The following PTPRQ variants were observed in gnomAD, a reference collection of about 807,000 sequenced individuals.
PTPRQ encodes the protein phosphatidylinositol phosphatase PTPRQ.
PTPRQ carries 199 observed loss-of-function variants against 246.0 expected under a neutral mutation model. The ratio of observed to expected loss-of-function variants is 0.81; its 90% CI spans 0.72 to 0.91. The LOEUF (loss-of-function observed/expected upper bound fraction) is 0.91, where lower values mean the gene tolerates loss of function less well. Among genes scored for constraint, PTPRQ ranks in the 40% least tolerant of loss-of-function variants. PTPRQ has a pLI of 0.00. For missense variants in PTPRQ, 2,624 were observed against 2,528.4 expected (o/e 1.04, Z -0.81); for synonymous variants, 869 against 853.2 (o/e 1.02, Z -0.32).
intron 17 of PTPRQ, among the ~76,000 whole-genome samples, chr12:80,530,941 A>G (rs1248426571): frequency 6.6e-6 from 1 of 152,070 alleles, no homozygotes; most frequent in African/African-American, 2.4e-5. Context: ...AGTACCAGCT[A>G]CTCTGAAGGA....
chr12:80,632,554 G>A (rs960556580), intron 34 of PTPRQ, among the ~76,000 whole-genome samples: 1 of 152,168 alleles, frequency 6.6e-6, no homozygotes, highest in Non-Finnish European at 1.5e-5. Flanking sequence ...TTAACTAGCA[G>A]AAATGGCTAA....
chr12:80,600,962 C>A (rs939495932), intron 26 of PTPRQ, among the ~76,000 whole-genome samples: 1 of 151,702 alleles, frequency 6.6e-6, no homozygotes, highest in Non-Finnish European at 1.5e-5. Flanking sequence ...ACATACCAGG[C>A]GAAATCCTGC....
At chr12:80,591,790 A>G (rs546639684) in intron 26 of PTPRQ, among the ~76,000 whole-genome samples, 2 of 152,312 alleles carry the variant, frequency 1.3e-5, no homozygotes, top group South Asian at 4.1e-4. Context: ...TGGTTAAATT[A>G]TGCCTGTGCC....
chr12:80,493,419 G>T lies in PTPRQ; in HGVS notation c.1504G>T (p.Ala502Ser), dbSNP rs1323188260. ...YNSHPDKNFPARNRAEDQTSP... is the reference protein window; with the variant it reads ...YNSHPDKNFPSRNRAEDQTSP... ...CAGCCATCCAGATAAAAACTTTCCT[G>T]CAAGGAATAGAGCTGAAGACCAGAC... Residue 502 changes from alanine (A) to serine (S), a missense_variant, in exon 10 of 45, where the codon GCA (alanine) becomes TCA (serine). Transcript: ENST00000644991. 1.3e-6 allele frequency: 2 copies of T among 1,549,758 alleles called. No individual in the cohort carries two copies. The highest frequency in any genetic ancestry group is 3.9e-5 in the Admixed American group (2 of 50,868).
intron 8 of PTPRQ, among the ~76,000 whole-genome samples, chr12:80,478,477 C>T (rs1215481501): frequency 3.9e-5 from 6 of 152,182 alleles, no homozygotes; most frequent in Non-Finnish European, 8.8e-5. Flanking sequence ...GAGCGCCTCT[C>T]CTCCTCCAAA....
chr12:80,462,073 T>A lies in PTPRQ; in HGVS notation c.910+1171T>A, dbSNP rs531067139. The A allele has an allele frequency of 1.5e-5, 10 of 681,464 alleles. No individual in the cohort carries two copies. The African/African-American group carries it at 1.7e-4, about 11-fold the overall frequency. The allele number at this position is 681,464 out of a possible 1,614,324, so 42.2% of individuals were successfully genotyped here. On this transcript the variant is annotated intron_variant, in intron 6 of 44. Coordinates refer to ENST00000644991, the MANE Select transcript of PTPRQ (RefSeq NM_001145026.2). ...AAGCAGGGCGAGGCATTGCCTCACT[T>A]GGGGAGCACAAGGGGTCAGGGAGTT...
intron 25 of PTPRQ, among the ~76,000 whole-genome samples, chr12:80,569,477 C>T (rs1281657681): frequency 1.3e-5 from 2 of 150,844 alleles, no homozygotes; most frequent in Non-Finnish European, 3.0e-5. Flanking sequence ...CAGCATGGCA[C>T]ATGTATACAT....
intron 35 of PTPRQ, among the ~76,000 whole-genome samples, chr12:80,636,795 T>C (rs886194351): frequency 6.6e-6 from 1 of 152,202 alleles, no homozygotes; most frequent in African/African-American, 2.4e-5. Flanking sequence ...GAAAAAGCAC[T>C]CTTTTTGTTT....
chr12:80,472,158 A>G lies in PTPRQ; in HGVS notation c.1093A>G (p.Thr365Ala). ...KDLKFAFTNLTPFTMYDVYIA... is the reference protein window; with the variant it reads ...KDLKFAFTNLAPFTMYDVYIA... Reference sequence around the variant, plus strand: ...CCTCAAGTTTGCATTCACTAACCTAACACCATTTACAATGTATGATGTCTA... The same window carrying G: ...CCTCAAGTTTGCATTCACTAACCTAGCACCATTTACAATGTATGATGTCTA... The change falls in exon 8 of 45, where the codon ACA (threonine) becomes GCA (alanine). Residue 365 changes from threonine to alanine, a missense_variant. Coordinates refer to ENST00000644991, the MANE Select transcript of PTPRQ (RefSeq NM_001145026.2). 1.9e-6 allele frequency: 3 copies of G among 1,551,636 alleles called. No individual in the cohort carries two copies. The highest frequency in any genetic ancestry group is 2.6e-6 in the Non-Finnish European group (3 of 1,146,960).
chr12:80,656,636 G>A (rs564825427), intron 38 of PTPRQ, among the ~76,000 whole-genome samples: 17 of 151,786 alleles, frequency 1.1e-4, no homozygotes, highest in African/African-American at 3.9e-4. Flanking sequence ...ATGAGTACAG[G>A]GTATCTAGTT....
In PTPRQ at chr12:80,496,461, A is replaced by G. The variant is rs1260047664; in HGVS notation, c.2202A>G (p.Val734=). 1 of 1,550,612 alleles carries G rather than the reference A, an allele frequency of 6.4e-7. No homozygotes were observed. Among genetic ancestry groups the G allele is most frequent in the African/African-American group, 1.4e-5 (1 of 72,990 alleles). The part of the protein sequence containing the change: ...LRPHTLYNIS[V]RSYTRFGHGN... Reference sequence around the variant, plus strand: ...CTCACACCCTCTATAACATTTCTGTAAGGTCTTACACCAGATTTGGTCATG... The same window carrying G: ...CTCACACCCTCTATAACATTTCTGTGAGGTCTTACACCAGATTTGGTCATG... Residue 734 remains valine, a synonymous_variant, in exon 14 of 45, where the codon GTA becomes GTG. Coordinates refer to ENST00000644991, the MANE Select transcript of PTPRQ (RefSeq NM_001145026.2).
At chr12:80,533,914 T>C in intron 17 of PTPRQ, 101 bp from the exon 18 acceptor site, 2 of 838,144 alleles carry the variant, frequency 2.4e-6, no homozygotes, top group Non-Finnish European at 3.3e-6. Flanking sequence ...CTAGAATAAA[T>C]TTCCATATAT....
In PTPRQ at chr12:80,624,452, C is replaced by T. The variant is rs576939792; in HGVS notation, c.5686+2318C>T. 3.9e-5 allele frequency among the ~76,000 whole-genome samples: 6 copies of T among 152,284 alleles called. No individual in the cohort carries two copies. In the East Asian group the frequency reaches 1.2e-3, roughly 29 times the overall value. On this transcript the variant is annotated intron_variant, in intron 33 of 44. Transcript: ENST00000644991. Reference sequence around the variant, plus strand: ...TGGCCTTTGCCCTACAGTGCTTATTCTGGATTGACCACATGGAGTTCTGCT... The same window carrying T: ...TGGCCTTTGCCCTACAGTGCTTATTTTGGATTGACCACATGGAGTTCTGCT...
At chr12:80,641,206 C>T (rs11114543) in intron 35 of PTPRQ, among the ~76,000 whole-genome samples, 9,219 of 152,250 alleles carry the variant, frequency 0.061, 351 homozygotes, top group South Asian at 0.19. Flanking sequence ...TGTATCCTGG[C>T]ACAAACATTT....
At chr12:80,604,937 A>C (rs1898260217) in intron 26 of PTPRQ, 122 bp from the exon 27 acceptor site, 3 of 1,062,272 alleles carry the variant, frequency 2.8e-6, no homozygotes, top group Non-Finnish European at 3.7e-6. Flanking sequence ...GTGAAATATA[A>C]ATTAATGTAA....
At chr12:80,612,952 T>C (rs895090259) in intron 28 of PTPRQ, among the ~76,000 whole-genome samples, 1 of 150,532 alleles carries the variant, frequency 6.6e-6, no homozygotes, top group Non-Finnish European at 1.5e-5. Flanking sequence ...GGAAGAGTTA[T>C]TAGTGTTGTG....
At chr12:80,557,087 A>G (rs1208262623) in intron 25 of PTPRQ, among the ~76,000 whole-genome samples, 1 of 152,186 alleles carries the variant, frequency 6.6e-6, no homozygotes, top group Non-Finnish European at 1.5e-5. Flanking sequence ...AACACTGCAG[A>G]AATCTCTTTA....
chr12:80,645,778 A>C (rs1900051151), intron 35 of PTPRQ, among the ~76,000 whole-genome samples: 1 of 152,114 alleles, frequency 6.6e-6, no homozygotes, highest in Non-Finnish European at 1.5e-5. Flanking sequence ...CCGTTGTACG[A>C]AGAATGCCTG....
intron 6 of PTPRQ, chr12:80,465,477 A>T (rs1893363310): frequency 6.6e-6 from 1 of 152,178 alleles, no homozygotes; most frequent in African/African-American, 2.4e-5. Context: ...TCAATAGAAA[A>T]AGAGGGAATC....
Sources: gnomAD v4.1 joint callset for allele counts (sites outside exome capture counted in the v4.1 genomes callset) on GRCh38, gnomAD v4.1.1 for gene constraint, MANE v1.5 for transcripts, NCBI Gene and HGNC (gene_info 2026-07-23, HGNC 2026-07-21) for gene names.